PRKAG2: variants seen among roughly 807,000 people sequenced by gnomAD.
The protein encoded by PRKAG2 is protein kinase AMP-activated non-catalytic subunit gamma 2.
Under a neutral mutation model 69.6 loss-of-function variants are expected in PRKAG2, and 26 were observed. The observed-to-expected ratio is 0.37, with a 90% confidence interval of 0.27 to 0.52. The LOEUF (loss-of-function observed/expected upper bound fraction) is 0.52. Among genes scored for constraint, PRKAG2 ranks in the 20% least tolerant of loss-of-function variants. The pLI, the probability that PRKAG2 is intolerant of heterozygous loss-of-function variation, is 0.90. For synonymous variants in PRKAG2, 293 were observed against 285.0 expected (o/e 1.03, Z -0.28); for missense variants, 557 against 740.0 (o/e 0.75, Z 2.87).
At chr7:151,653,518 G>A (rs1828885552) in intron 4 of PRKAG2, among the ~76,000 whole-genome samples, 1 of 152,172 alleles carries the variant, frequency 6.6e-6, no homozygotes, top group Non-Finnish European at 1.5e-5. Context: ...GAAGCAAACA[G>A]GAATGGGTTG....
chr7:151,755,893 C>T (rs1476625517), intron 3 of PRKAG2, among the ~76,000 whole-genome samples: 1 of 152,204 alleles, frequency 6.6e-6, no homozygotes, highest in Non-Finnish European at 1.5e-5. Flanking sequence ...AGCAGTTGCT[C>T]GTGTTCTTTG....
At chr7:151,622,380 G>A (rs1406023676) in intron 5 of PRKAG2, among the ~76,000 whole-genome samples, 1 of 152,172 alleles carries the variant, frequency 6.6e-6, no homozygotes, top group African/African-American at 2.4e-5. Flanking sequence ...CTACTATGGC[G>A]TGCCATTGTT....
intron 5 of PRKAG2, among the ~76,000 whole-genome samples, chr7:151,625,185 C>T (rs1201291108): frequency 2.0e-5 from 3 of 152,140 alleles, no homozygotes; most frequent in African/African-American, 2.4e-5. Context: ...AAGTCTTCAT[C>T]GGGGCTTCTG....
intron 4 of PRKAG2, among the ~76,000 whole-genome samples, chr7:151,642,107 G>A (rs1035036452): frequency 2.0e-5 from 3 of 151,200 alleles, no homozygotes; most frequent in Non-Finnish European, 2.9e-5. Flanking sequence ...AGGCCGAGGC[G>A]GGTGGATCAC....
At chr7:151,862,070 T>A (rs749167440) in intron 1 of PRKAG2, among the ~76,000 whole-genome samples, 1 of 152,006 alleles carries the variant, frequency 6.6e-6, no homozygotes, top group Non-Finnish European at 1.5e-5. Flanking sequence ...CTGAAGGGGA[T>A]GAGGCCCGAG....
At chr7:151,784,028 G>A (rs757450856) in intron 2 of PRKAG2, among the ~76,000 whole-genome samples, 3 of 151,970 alleles carry the variant, frequency 2.0e-5, no homozygotes, top group South Asian at 2.1e-4. Flanking sequence ...ACACACACAG[G>A]CACCAGGGTG....
In PRKAG2 at chr7:151,814,893, C is replaced by A; in HGVS notation, c.115-28352G>T. ...AACTCCTTACCACACAGCAAGCCAG[C>A]AGGAGGGAGGGCTGGACCGGAGCTT... is the stretch of plus-strand genomic sequence containing the variant. On this transcript the variant is annotated intron_variant, in intron 1 of 15. Transcript: ENST00000287878. This position sits in a 1 kb window ranked among gnomAD's most constrained non-coding sequence, Gnocchi z 4.8. The A allele has an allele frequency of 8.1e-7, 1 of 1,230,916 alleles. No individual in the cohort carries two copies. Among genetic ancestry groups the A allele is most frequent in the East Asian group, 3.2e-5 (1 of 31,706 alleles). 76.2% of individuals were successfully genotyped at this position (1,230,916 alleles called of 1,614,324 possible).
chr7:151,589,745 C>A (rs1029561421), intron 6 of PRKAG2, among the ~76,000 whole-genome samples: 1 of 152,086 alleles, frequency 6.6e-6, no homozygotes, highest in South Asian at 2.1e-4. Flanking sequence ...GCCAGCCTGG[C>A]CAACAAAGTG....
chr7:151,718,633 A>G (rs1307837945), intron 3 of PRKAG2, among the ~76,000 whole-genome samples: 16 of 141,402 alleles, frequency 1.1e-4, no homozygotes, highest in African/African-American at 4.4e-4. Context: ...AAAAAAACCC[A>G]AAAACAAAAC....
At chr7:151,622,507 G>C (rs2151280043) in intron 5 of PRKAG2, among the ~76,000 whole-genome samples, 1 of 152,326 alleles carries the variant, frequency 6.6e-6, no homozygotes. Flanking sequence ...GCAAGCCAGT[G>C]TTCACCAATG....
chr7:151,832,990 G>T (rs909517958), intron 1 of PRKAG2, among the ~76,000 whole-genome samples: 5 of 152,176 alleles, frequency 3.3e-5, no homozygotes, highest in African/African-American at 4.8e-5. Context: ...CAGATCAGGT[G>T]TCTGAGGTTG....
chr7:151,659,512 C>T (rs1295543888), intron 4 of PRKAG2, among the ~76,000 whole-genome samples: 1 of 152,226 alleles, frequency 6.6e-6, no homozygotes, highest in Non-Finnish European at 1.5e-5. Context: ...TTTCTTCTCA[C>T]ACCACGCAGA....
chr7:151,637,907 T>A (rs1189264986), intron 4 of PRKAG2, among the ~76,000 whole-genome samples: 1 of 152,100 alleles, frequency 6.6e-6, no homozygotes, highest in African/African-American at 2.4e-5. Flanking sequence ...AGACTTAATT[T>A]TAGCTGTTTC....
chr7:151,651,656 T>C (rs534470547), intron 4 of PRKAG2, among the ~76,000 whole-genome samples: 1 of 150,534 alleles, frequency 6.6e-6, no homozygotes, highest in Admixed American at 6.6e-5. Context: ...GATTCTAACA[T>C]AATAGACTCT....
intron 3 of PRKAG2, among the ~76,000 whole-genome samples, chr7:151,754,268 G>T (rs929308184): frequency 6.6e-6 from 1 of 152,256 alleles, no homozygotes; most frequent in Non-Finnish European, 1.5e-5. Context: ...TGGCGCCAGA[G>T]GGCGCTGTCC....
intron 1 of PRKAG2, among the ~76,000 whole-genome samples, chr7:151,830,187 T>TGCCATTC (rs1563735742): frequency 6.6e-6 from 1 of 151,506 alleles, no homozygotes; most frequent in Non-Finnish European, 1.5e-5. Context: ...TTCAGCGGTT[T>TGCCATTC]GCCATTCGCC....
intron 1 of PRKAG2, among the ~76,000 whole-genome samples, chr7:151,829,378 G>C (rs2078972597): frequency 6.6e-6 from 1 of 152,202 alleles, no homozygotes; most frequent in South Asian, 2.1e-4. Context: ...GTGTTGACAA[G>C]GATACAAAGA....
intron 8 of PRKAG2, among the ~76,000 whole-genome samples, chr7:151,573,287 A>G (rs968243774): frequency 6.6e-6 from 1 of 150,910 alleles, no homozygotes; most frequent in Non-Finnish European, 1.5e-5. Context: ...CCTCTGAGTA[A>G]CTTGGACTAC....
intron 1 of PRKAG2, among the ~76,000 whole-genome samples, chr7:151,793,288 G>T (rs2077350463): frequency 6.6e-6 from 1 of 152,182 alleles, no homozygotes; most frequent in Non-Finnish European, 1.5e-5. Flanking sequence ...GCACCGCCGG[G>T]GAAGGAAGGA....
Sources: allele counts gnomAD v4.1 joint callset (sites outside exome capture counted in the v4.1 genomes callset), GRCh38; gene constraint gnomAD v4.1.1; non-coding constraint Gnocchi (gnomAD v3.1); transcripts MANE v1.5; gene names NCBI Gene and HGNC (gene_info 2026-07-23, HGNC 2026-07-21).